CDH4: variants seen among roughly 807,000 people sequenced by gnomAD.
CDH4 encodes the protein cadherin-4.
In CDH4, 33 loss-of-function variants were observed where a neutral mutation model predicts 86.0. The observed-to-expected ratio is 0.38, with a 90% CI of 0.29 to 0.51. The LOEUF is 0.51. Among genes scored for constraint, CDH4 ranks in the 20% least tolerant of loss-of-function variants. The pLI is 0.86. For missense variants in CDH4, 1,114 were observed against 1,307.4 expected (o/e 0.85, Z 2.28); for synonymous variants, 555 against 549.4 (o/e 1.01, Z -0.14).
chr20:61,831,392 G>A (rs375882692), intron 4 of CDH4, among the ~76,000 whole-genome samples: 7 of 152,280 alleles, frequency 4.6e-5, no homozygotes, highest in Non-Finnish European at 7.4e-5. Context: ...GTGAAGTCTC[G>A]AGGGAAGAGC....
chr20:61,603,086 A>C (rs1371754640), intron 2 of CDH4, among the ~76,000 whole-genome samples: 1 of 152,188 alleles, frequency 6.6e-6, no homozygotes, highest in Non-Finnish European at 1.5e-5. Context: ...CTGCCCTCAG[A>C]AGCTCTCAGT....
chr20:61,387,170 T>C (rs2084955957), intron 2 of CDH4, among the ~76,000 whole-genome samples: 1 of 142,554 alleles, frequency 7.0e-6, no homozygotes, highest in East Asian at 2.0e-4. Context: ...CCCCCTAATA[T>C]GACACACACA....
At chr20:61,596,098 C>T (rs1477607049) in intron 2 of CDH4, among the ~76,000 whole-genome samples, 1 of 152,202 alleles carries the variant, frequency 6.6e-6, no homozygotes, top group Non-Finnish European at 1.5e-5. Flanking sequence ...AGCATGAGGC[C>T]AAGCTGGACC....
At position 61,923,386 on chromosome 20, in the gene CDH4, T is replaced by TC. The variant is rs143197082; in HGVS notation, c.1375-59dup. The TC allele has an allele frequency of 1.6e-5, 25 of 1,547,048 alleles. No homozygotes were observed. In the African/African-American group the frequency reaches 2.6e-4, roughly 16 times the overall value. On this transcript the variant is annotated intron_variant, in intron 9 of 15. Transcript: ENST00000614565. The stretch of plus-strand genomic sequence containing the variant: ...GGGTGGAGACCAACCTTCCCATGTG[T>TC]CCCCCCATGCCCACTCCCACGGGAG...
chr20:61,933,706 C>T (rs1300828813), intron 14 of CDH4, among the ~76,000 whole-genome samples: 3 of 146,528 alleles, frequency 2.0e-5, no homozygotes, highest in East Asian at 1.9e-4. Context: ...ACGACCATAA[C>T]GAATGTGAGG....
intron 3 of CDH4, among the ~76,000 whole-genome samples, chr20:61,763,980 A>G (rs2088669321): frequency 6.6e-6 from 1 of 152,198 alleles, no homozygotes; most frequent in Admixed American, 6.5e-5. Flanking sequence ...TCAGTTTTGC[A>G]TTCTTTGTCT....
intron 2 of CDH4, among the ~76,000 whole-genome samples, chr20:61,532,002 G>A (rs1189986270): frequency 6.6e-6 from 1 of 152,260 alleles, no homozygotes; most frequent in Non-Finnish European, 1.5e-5. Flanking sequence ...ATCCTCAGCT[G>A]TGGAAAGCGT....
At chr20:61,606,239 C>T (rs963878778) in intron 2 of CDH4, among the ~76,000 whole-genome samples, 6 of 152,120 alleles carry the variant, frequency 3.9e-5, no homozygotes, top group Non-Finnish European at 8.8e-5. Context: ...GGCAGAGAGA[C>T]GGCCATTCCG....
At chr20:61,376,720 G>A (rs1178338222) in intron 2 of CDH4, among the ~76,000 whole-genome samples, 1 of 152,182 alleles carries the variant, frequency 6.6e-6, no homozygotes, top group Non-Finnish European at 1.5e-5. Context: ...TTTCCCATCT[G>A]TCTCAGCACA....
At chr20:61,837,488 A>G (rs930674475) in intron 4 of CDH4, among the ~76,000 whole-genome samples, 4 of 152,192 alleles carry the variant, frequency 2.6e-5, no homozygotes, top group Non-Finnish European at 5.9e-5. Flanking sequence ...CAGTCCCTCC[A>G]TCTTCAGAAT....
intron 7 of CDH4, among the ~76,000 whole-genome samples, chr20:61,882,529 C>T (rs760540796): frequency 6.6e-6 from 1 of 152,218 alleles, no homozygotes; most frequent in Non-Finnish European, 1.5e-5. Flanking sequence ...CTGCAAGGCA[C>T]CAGGAGGCCT....
chr20:61,351,046 G>A (rs867625646), intron 2 of CDH4, among the ~76,000 whole-genome samples: 1 of 152,088 alleles, frequency 6.6e-6, no homozygotes, highest in Admixed American at 6.5e-5. Context: ...CTGTGGTGGG[G>A]GCAATGCCTT....
chr20:61,679,406 C>T (rs1385556266), intron 2 of CDH4, among the ~76,000 whole-genome samples: 1 of 152,186 alleles, frequency 6.6e-6, no homozygotes, highest in African/African-American at 2.4e-5. Flanking sequence ...CAGGTATTTG[C>T]ACTTTCATCA....
chr20:61,890,398 GTGGA>G lies in CDH4; in HGVS notation c.1051-4497_1051-4494del, dbSNP rs566937146. Among the ~76,000 whole-genome samples, 149 of 151,016 alleles carry G rather than the reference GTGGA, an allele frequency of 9.9e-4. 1 individual carries two copies. The highest frequency in any genetic ancestry group is 3.0e-3 in the African/African-American group (124 of 41,112). On this transcript the variant is annotated intron_variant, in intron 7 of 15. Transcript: ENST00000614565. ...TAAGCAGATGGTGGATGGTAGATGG[GTGGA>G]TGGATGGATGGATGATGGATGGATA...
intron 4 of CDH4, among the ~76,000 whole-genome samples, chr20:61,808,623 C>T (rs1372613240): frequency 6.6e-6 from 1 of 152,220 alleles, no homozygotes; most frequent in Non-Finnish European, 1.5e-5. Context: ...AGAAGAGCAG[C>T]CCCACACTGG....
chr20:61,732,911 A>T (rs867021029), intron 2 of CDH4, among the ~76,000 whole-genome samples: 1 of 152,334 alleles, frequency 6.6e-6, no homozygotes, highest in South Asian at 2.1e-4. Context: ...CAGAAGCTGA[A>T]TGTGGCCTCC....
rs993300563 is a variant in CDH4 at position 61,743,681 on chromosome 20, G to C, written c.288G>C (p.Glu96Asp). Residue 96 changes from glutamate to aspartate, a missense_variant, in exon 3 of 16, where the codon GAG becomes GAC. This residue lies in a region of CDH4 where 221 missense variants were observed against 209.5 expected (regional missense o/e 1.05). Coordinates refer to ENST00000614565, the MANE Select transcript of CDH4 (RefSeq NM_001794.5). ...FATRELQVPS[E>D]QVAFTVTAWD... ...CCCGGGAGCTGCAGGTCCCCTCCGAGCAGGTGGCGTTCACGGTGACTGCAT... is the reference window on the plus strand; with the variant it reads ...CCCGGGAGCTGCAGGTCCCCTCCGACCAGGTGGCGTTCACGGTGACTGCAT... 6.2e-7 allele frequency: 1 copy of C among 1,606,808 alleles called. No homozygotes were observed. The highest frequency in any genetic ancestry group is 8.5e-7 in the Non-Finnish European group (1 of 1,176,944).
At chr20:61,738,994 TCG>T (rs2088300364) in intron 2 of CDH4, 1 of 152,144 alleles carries the variant, frequency 6.6e-6, no homozygotes, top group African/African-American at 2.4e-5. Context: ...TGCATTGGGG[TCG>T]CAGAGGCGGC....
intron 2 of CDH4, among the ~76,000 whole-genome samples, chr20:61,398,219 G>A (rs544847863): frequency 2.0e-4 from 30 of 152,284 alleles, no homozygotes; most frequent in Non-Finnish European, 3.5e-4. Flanking sequence ...TATTGACAGA[G>A]GCCTGATTCT....
Sources: gnomAD v4.1 joint callset for allele counts (sites outside exome capture counted in the v4.1 genomes callset) on GRCh38, gnomAD v4.1.1 for gene constraint, gnomAD v4.1.1 regional missense constraint, MANE v1.5 for transcripts, NCBI Gene and HGNC (gene_info 2026-07-23, HGNC 2026-07-21) for gene names.